NXNL2: variants seen among roughly 807,000 people sequenced by gnomAD.
NXNL2 encodes nucleoredoxin-like protein 2.
Under a neutral mutation model 11.1 loss-of-function variants are expected in NXNL2, and 7 were observed. The ratio of observed to expected loss-of-function variants is 0.63; its 90% CI spans 0.36 to 1.18. The LOEUF (loss-of-function observed/expected upper bound fraction) is 1.18. Ranked by LOEUF, NXNL2 falls within the 50% of genes most tolerant of loss-of-function variation. The pLI, the probability that NXNL2 is intolerant of heterozygous loss-of-function variation, is 0.02. For synonymous variants in NXNL2, 109 were observed against 101.8 expected (o/e 1.07, Z -0.42); for missense variants, 233 against 217.7 (o/e 1.07, Z -0.44).
chr9:88,548,028 T>G (rs562051371), downstream of NXNL2, among the ~76,000 whole-genome samples: 100 of 130,936 alleles, frequency 7.6e-4, 1 homozygote, highest in South Asian at 0.021. Flanking sequence ...AAAAAAAAAA[T>G]AAAGAAAAAA....
chr9:88,537,123 T>A lies in NXNL2; in HGVS notation c.302+1387T>A, dbSNP rs150289006. On this transcript the variant is annotated intron_variant, in intron 1 of 1. Coordinates refer to ENST00000375854, the MANE Select transcript of NXNL2 (RefSeq NM_001161625.2). ...AGGTATTTTATTGCTGAGCATATGA[T>A]ACATCACGTGGTTGTTGTCAGGGTT... Among the ~76,000 whole-genome samples, 944 of 152,340 alleles carry A rather than the reference T, an allele frequency of 6.2e-3. 8 individuals are homozygous for A. Among genetic ancestry groups the A allele is most frequent in the African/African-American group, 0.022 (899 of 41,574 alleles).
chr9:88,582,114 T>C lies in NXNL2; in HGVS notation n.552-1885T>C, dbSNP rs142776085. Among the ~76,000 whole-genome samples, 492 of 152,356 alleles carry C rather than the reference T, an allele frequency of 3.2e-3. 3 individuals are homozygous for C. The highest frequency in any genetic ancestry group is 6.2e-3 in the South Asian group (30 of 4,832). On this transcript the variant is annotated intron_variant and non_coding_transcript_variant, in intron 1 of 1. Coordinates refer to the NXNL2 transcript ENST00000478686. ...ATATTTGAGTTGCAGGAGGTTTTGC[T>C]ACTCTCTAGTCCTATATTTGTACAA...
At chr9:88,554,300 C>T (rs767485518) in intron 1 of NXNL2, among the ~76,000 whole-genome samples, 3 of 152,122 alleles carry the variant, frequency 2.0e-5, no homozygotes, top group African/African-American at 4.8e-5. Context: ...CCACCTCCCA[C>T]GTTCAAGTGA....
intron 1 of NXNL2, among the ~76,000 whole-genome samples, chr9:88,536,333 C>T (rs887768464): frequency 5.3e-5 from 8 of 152,106 alleles, no homozygotes; most frequent in African/African-American, 1.7e-4. Flanking sequence ...TCATTTTTAC[C>T]GACACTGATG....
intron 1 of NXNL2, among the ~76,000 whole-genome samples, chr9:88,564,032 G>A (rs1309821344): frequency 6.6e-6 from 1 of 151,928 alleles, no homozygotes; most frequent in African/African-American, 2.4e-5. Flanking sequence ...CCAACATGGT[G>A]AAACCCTGTC....
chr9:88,571,849 G>C (rs1467836139), intron 2 of NXNL2, among the ~76,000 whole-genome samples: 1 of 152,112 alleles, frequency 6.6e-6, no homozygotes, highest in Non-Finnish European at 1.5e-5. Context: ...CCCATTTAAC[G>C]TCTCCACCGG....
intron 1 of NXNL2, among the ~76,000 whole-genome samples, chr9:88,543,392 G>A (rs919438820): frequency 4.0e-5 from 6 of 151,808 alleles, no homozygotes; most frequent in African/African-American, 1.2e-4. Flanking sequence ...TCAGCCTGTC[G>A]AGTAGCTGGG....
chr9:88,541,878 C>T (rs577438597), intron 1 of NXNL2, among the ~76,000 whole-genome samples: 1 of 152,150 alleles, frequency 6.6e-6, no homozygotes, highest in South Asian at 2.1e-4. Context: ...AATACTTTGT[C>T]ATCTGCGTTA....
At chr9:88,546,612 T>A (rs1458740487), downstream of NXNL2, among the ~76,000 whole-genome samples, 1 of 151,108 alleles carries the variant, frequency 6.6e-6, no homozygotes, top group Non-Finnish European at 1.5e-5. Flanking sequence ...ATGGGGTTTC[T>A]TCATGTTGGC....
Position 88,560,906 on chromosome 9 carries a change from G to A in NXNL2, c.303-10181G>A, listed in dbSNP as rs551245555. On this transcript the variant is annotated intron_variant, in intron 1 of 2. Transcript: ENST00000375855. Reference sequence around the variant, plus strand: ...AGCAGAGATGGATATTGAGAGCACTGCGCTGGGGGAGGAAAGAAAAACACA... The same window carrying A: ...AGCAGAGATGGATATTGAGAGCACTACGCTGGGGGAGGAAAGAAAAACACA... Among the ~76,000 whole-genome samples the A allele has an allele frequency of 5.9e-5, 9 of 152,314 alleles. No individual in the cohort carries two copies. In the East Asian group the frequency reaches 1.7e-3, roughly 29 times the overall value.
Position 88,544,756 on chromosome 9 carries a change from A to G in NXNL2, c.*209A>G. The G allele has an allele frequency of 7.6e-7, 1 of 1,317,216 alleles. No individual in the cohort carries two copies. Among genetic ancestry groups the G allele is most frequent in the South Asian group, 2.3e-5 (1 of 44,314 alleles). 81.6% of individuals were successfully genotyped at this position (1,317,216 alleles called of 1,614,324 possible). A position where few individuals can be genotyped will look rare whatever the true frequency, so the allele number is the denominator to read the frequency against. ...CATGCAGGCTGTTTGTATTATAGTTATTTTTGTTATTCTTTGCATACCTTT... is the reference window on the plus strand; with the variant it reads ...CATGCAGGCTGTTTGTATTATAGTTGTTTTTGTTATTCTTTGCATACCTTT... On this transcript the variant is annotated 3_prime_UTR_variant, in exon 2 of 2. Coordinates refer to ENST00000375854, the MANE Select transcript of NXNL2 (RefSeq NM_001161625.2).
chr9:88,563,037 G>A lies in NXNL2; in HGVS notation c.303-8050G>A, dbSNP rs144582735. On this transcript the variant is annotated intron_variant, in intron 1 of 2. Coordinates refer to the NXNL2 transcript ENST00000375855. ...CAGGAGGTGGAGGTTGCAGTGAGCC[G>A]AGATCATGCCACTGCAATCCAGCCT... Among the ~76,000 whole-genome samples, 738 of 152,162 alleles carry A rather than the reference G, an allele frequency of 4.9e-3. 10 individuals are homozygous for A. The highest frequency in any genetic ancestry group is 0.017 in the African/African-American group (690 of 41,514).
Position 88,535,688 on chromosome 9 carries a change from A to T in NXNL2, c.254A>T (p.Glu85Val), listed in dbSNP as rs202115313. 111 of 1,600,874 alleles carry T rather than the reference A, an allele frequency of 6.9e-5. No individual in the cohort carries two copies. The highest frequency in any genetic ancestry group is 8.7e-5 in the Non-Finnish European group (102 of 1,176,526). Reference protein sequence around the residue: ...SSQEMLDFMRELHGAWLALPF... With the variant: ...SSQEMLDFMRVLHGAWLALPF... Reference sequence around the variant, plus strand: ...CAGGAGATGCTGGACTTCATGCGCGAGCTGCATGGCGCCTGGCTGGCGCTG... The same window carrying T: ...CAGGAGATGCTGGACTTCATGCGCGTGCTGCATGGCGCCTGGCTGGCGCTG... Residue 85 changes from glutamate to valine, a missense_variant, in exon 1 of 2, where the codon GAG (glutamate) becomes GTG (valine). Glu to Val is a moderately radical substitution (Grantham distance 121). Transcript: ENST00000375854.
chr9:88,546,706 C>T (rs1458376142), downstream of NXNL2, among the ~76,000 whole-genome samples: 5 of 152,210 alleles, frequency 3.3e-5, no homozygotes, highest in Non-Finnish European at 7.4e-5. Flanking sequence ...TGAGCCACCA[C>T]GCTTGGCCGA....
chr9:88,574,800 A>G (rs1210684998), intron 2 of NXNL2, among the ~76,000 whole-genome samples: 1 of 152,018 alleles, frequency 6.6e-6, no homozygotes, highest in Non-Finnish European at 1.5e-5. Context: ...ACTCGAATGG[A>G]TTTTTGCGAA....
intron 1 of NXNL2, among the ~76,000 whole-genome samples, chr9:88,554,519 A>G (rs1332642017): frequency 4.6e-5 from 7 of 152,190 alleles, no homozygotes; most frequent in Non-Finnish European, 1.0e-4. Flanking sequence ...CCTTTAAAGA[A>G]GACCTCAATG....
At chr9:88,568,566 A>G (rs1467322365) in intron 1 of NXNL2, among the ~76,000 whole-genome samples, 2 of 152,136 alleles carry the variant, frequency 1.3e-5, no homozygotes, top group Admixed American at 6.5e-5. Context: ...TTCCATATTT[A>G]TGTTTATACT....
downstream of NXNL2, among the ~76,000 whole-genome samples, chr9:88,546,078 T>C (rs1829841466): frequency 1.3e-5 from 2 of 152,102 alleles, no homozygotes; most frequent in African/African-American, 4.8e-5. Flanking sequence ...AATTATGATA[T>C]TTTTAATCAC....
chr9:88,548,400 A>G (rs1016550416), downstream of NXNL2, among the ~76,000 whole-genome samples: 36 of 125,918 alleles, frequency 2.9e-4, no homozygotes, highest in African/African-American at 1.0e-3. Flanking sequence ...GCTGTAGCTC[A>G]TGCCTGTAAT....
Sources: allele counts gnomAD v4.1 joint callset (sites outside exome capture counted in the v4.1 genomes callset), GRCh38; gene constraint gnomAD v4.1.1; transcripts MANE v1.5; gene names NCBI Gene and HGNC (gene_info 2026-07-23, HGNC 2026-07-21).